EYS: variants seen among roughly 807,000 people sequenced by gnomAD.
The protein encoded by EYS is EGF-like photoreceptor maintenance factor.
EYS carries 250 observed loss-of-function variants against 282.1 expected under a neutral mutation model. The ratio of observed to expected loss-of-function variants is 0.89; its 90% CI spans 0.80 to 0.98. EYS has a LOEUF of 0.98. Among genes scored for constraint, EYS ranks in the 50% least tolerant of loss-of-function variants. The probability of loss-of-function intolerance (pLI) is 0.00; values close to 1 mark genes in which losing one functional copy is unlikely to be tolerated. For missense variants in EYS, 4,016 were observed against 3,709.0 expected, an observed-to-expected ratio of 1.08 and a Z score of -2.15; for synonymous variants, 1,355 against 1,282.9, an observed-to-expected ratio of 1.06 and a Z score of -1.20.
At chr6:65,256,353 T>C (rs2150254677) in intron 12 of EYS, among the ~76,000 whole-genome samples, 1 of 142,096 alleles carries the variant, frequency 7.0e-6, no homozygotes, top group Non-Finnish European at 1.5e-5. Context: ...TGTGCCATGC[T>C]GGTGTGCTGC....
chr6:64,291,168 T>C lies in EYS; in HGVS notation c.6191+15802A>G, dbSNP rs1023898684. On this transcript the variant is annotated intron_variant, in intron 30 of 42. Coordinates refer to ENST00000503581, the MANE Select transcript of EYS (RefSeq NM_001142800.2). Reference sequence around the variant, plus strand: ...ATACCAAAAGCAGATATTGAAAATATAGATGCCTGAGGGGACTAGAGGATA... The same window carrying C: ...ATACCAAAAGCAGATATTGAAAATACAGATGCCTGAGGGGACTAGAGGATA... Among the ~76,000 whole-genome samples the C allele has an allele frequency of 5.3e-5, 8 of 151,738 alleles. No individual in the cohort carries two copies. In the East Asian group the frequency reaches 7.8e-4, roughly 15 times the overall value.
At chr6:65,013,405 G>A (rs1396325008) in intron 13 of EYS, among the ~76,000 whole-genome samples, 3 of 152,164 alleles carry the variant, frequency 2.0e-5, no homozygotes. Flanking sequence ...GACGCGGGAG[G>A]TGGGGGGCAG....
chr6:63,983,445 T>A (rs1208553603), intron 35 of EYS, among the ~76,000 whole-genome samples: 1 of 151,796 alleles, frequency 6.6e-6, no homozygotes, highest in East Asian at 1.9e-4. Flanking sequence ...CTTTCTCTCT[T>A]TTTTTATTTT....
intron 26 of EYS, among the ~76,000 whole-genome samples, chr6:64,463,052 T>C (rs755804387): frequency 6.7e-6 from 1 of 149,834 alleles, no homozygotes; most frequent in Non-Finnish European, 1.5e-5. Flanking sequence ...GTTCACGCCA[T>C]TCTCCTGCCA....
intron 12 of EYS, among the ~76,000 whole-genome samples, chr6:65,238,331 T>TA (rs1766977184): frequency 6.6e-6 from 1 of 151,324 alleles, no homozygotes; most frequent in South Asian, 2.1e-4. Flanking sequence ...AATCACTTTT[T>TA]ATCCATTTTC....
intron 26 of EYS, among the ~76,000 whole-genome samples, chr6:64,502,528 T>C (rs1407816547): frequency 6.6e-6 from 1 of 152,186 alleles, no homozygotes; most frequent in African/African-American, 2.4e-5. Flanking sequence ...GGCCGGAGGC[T>C]GGTGTTTTTT....
At chr6:64,246,046 A>AAAAAAAG (rs1767008132) in intron 30 of EYS, among the ~76,000 whole-genome samples, 1 of 131,996 alleles carries the variant, frequency 7.6e-6, no homozygotes, top group Non-Finnish European at 1.7e-5. Flanking sequence ...AAAAAAAAAA[A>AAAAAAAG]GAATTTTGGG....
At chr6:64,346,782 T>G (rs995490687) in intron 29 of EYS, among the ~76,000 whole-genome samples, 1 of 151,484 alleles carries the variant, frequency 6.6e-6, no homozygotes, top group African/African-American at 2.4e-5. Context: ...GTTACTCTAG[T>G]GGAGACTTCC....
chr6:65,143,581 A>G (rs571602041), intron 12 of EYS, among the ~76,000 whole-genome samples: 1 of 152,194 alleles, frequency 6.6e-6, no homozygotes, highest in South Asian at 2.1e-4. Flanking sequence ...AAACAAGATA[A>G]AATGATGAAA....
At chr6:64,015,193 T>C (rs1288864656) in intron 33 of EYS, among the ~76,000 whole-genome samples, 2 of 152,040 alleles carry the variant, frequency 1.3e-5, no homozygotes, top group Admixed American at 6.6e-5. Flanking sequence ...ATTCCTGGAG[T>C]TGTTTCTGAT....
At chr6:64,649,585 G>A (rs982495310) in intron 22 of EYS, among the ~76,000 whole-genome samples, 3 of 152,066 alleles carry the variant, frequency 2.0e-5, no homozygotes, top group Non-Finnish European at 4.4e-5. Flanking sequence ...TGTTCTGCCT[G>A]CCTCAGCCTC....
intron 26 of EYS, among the ~76,000 whole-genome samples, chr6:64,581,467 T>A (rs1017453326): frequency 2.0e-5 from 3 of 152,180 alleles, no homozygotes; most frequent in Non-Finnish European, 2.9e-5. Flanking sequence ...CTTTATCTAA[T>A]CATTTTATGG....
intron 26 of EYS, among the ~76,000 whole-genome samples, chr6:64,503,534 G>A (rs1330834228): frequency 6.6e-6 from 1 of 152,108 alleles, no homozygotes; most frequent in East Asian, 1.9e-4. Flanking sequence ...TGGGTTTATA[G>A]GTAACTCCCC....
At chr6:64,318,132 C>G (rs908437186) in intron 29 of EYS, among the ~76,000 whole-genome samples, 1 of 151,964 alleles carries the variant, frequency 6.6e-6, no homozygotes, top group African/African-American at 2.4e-5. Context: ...ACCTATGTAA[C>G]AAATCTGCTT....
At chr6:64,342,953 C>A (rs1204117319) in intron 29 of EYS, among the ~76,000 whole-genome samples, 1 of 151,904 alleles carries the variant, frequency 6.6e-6, no homozygotes, top group Non-Finnish European at 1.5e-5. Context: ...TCAAAAGAGA[C>A]AAAGAAGGCC....
At chr6:64,074,390 T>C (rs1024918098) in intron 32 of EYS, among the ~76,000 whole-genome samples, 2 of 151,288 alleles carry the variant, frequency 1.3e-5, no homozygotes, top group African/African-American at 4.8e-5. Context: ...ACAATGATAT[T>C]CTAGTCACCT....
intron 22 of EYS, among the ~76,000 whole-genome samples, chr6:64,673,587 G>A (rs1381967433): frequency 1.3e-5 from 2 of 152,028 alleles, no homozygotes; most frequent in Non-Finnish European, 2.9e-5. Context: ...GAATTAGAAT[G>A]AATTAATATT....
At chr6:64,697,415 A>T (rs964597221) in intron 22 of EYS, among the ~76,000 whole-genome samples, 18 of 152,204 alleles carry the variant, frequency 1.2e-4, no homozygotes, top group African/African-American at 4.3e-4. Flanking sequence ...AAGGAAAGGG[A>T]GAGACAGCAA....
chr6:64,409,517 G>A (rs1310887435), intron 28 of EYS, among the ~76,000 whole-genome samples: 1 of 152,164 alleles, frequency 6.6e-6, no homozygotes, highest in Non-Finnish European at 1.5e-5. Flanking sequence ...CAAAGAGCTG[G>A]AAGTTTAATC....
Sources: allele counts gnomAD v4.1 joint callset (sites outside exome capture counted in the v4.1 genomes callset), GRCh38; gene constraint gnomAD v4.1.1; transcripts MANE v1.5; gene names NCBI Gene and HGNC (gene_info 2026-07-23, HGNC 2026-07-21).